The following STXBP6 variants were observed in gnomAD, a reference collection of about 807,000 sequenced individuals.
STXBP6 encodes syntaxin-binding protein 6.
Under a neutral mutation model 26.9 loss-of-function variants are expected in STXBP6, and 21 were observed. That is an observed-to-expected ratio of 0.78 (90% CI 0.55 to 1.12). The LOEUF (loss-of-function observed/expected upper bound fraction) is 1.12. Among genes scored for constraint, STXBP6 ranks in the 50% most tolerant of loss-of-function variants. STXBP6 has a pLI of 0.00. For synonymous variants in STXBP6, 97 were observed against 92.6 expected, an observed-to-expected ratio of 1.05 and a Z score of -0.27; for missense variants, 232 against 257.9, an observed-to-expected ratio of 0.90 and a Z score of 0.69.
At chr14:25,043,344 T>C (rs2075672826) in intron 1 of STXBP6, among the ~76,000 whole-genome samples, 1 of 152,104 alleles carries the variant, frequency 6.6e-6, no homozygotes, top group Non-Finnish European at 1.5e-5. Context: ...AAATTTAACC[T>C]GAAACTGAAA....
intron 4 of STXBP6, among the ~76,000 whole-genome samples, chr14:24,836,019 G>A (rs1342279447): frequency 6.6e-6 from 1 of 152,252 alleles, no homozygotes; most frequent in Non-Finnish European, 1.5e-5. Flanking sequence ...TAGCTGCAGG[G>A]AGAAGCAGGG....
rs542131214 is a variant in STXBP6 at position 24,924,014 on chromosome 14, A to AT, written c.154+50650dup. On this transcript the variant is annotated intron_variant, in intron 2 of 5. Transcript: ENST00000323944. ...TAAAAATAAGAACCAATTCCCACAT[A>AT]TTTTTTTTTTGCAAAAAGCTTTAAA... 6.4e-3 allele frequency among the ~76,000 whole-genome samples: 944 copies of AT among 148,478 alleles called. 4 individuals are homozygous for AT. Among genetic ancestry groups the AT allele is most frequent in the South Asian group, 0.017 (77 of 4,644 alleles).
At chr14:25,045,600 C>CTTTTTTT (rs200296496) in intron 1 of STXBP6, among the ~76,000 whole-genome samples, 2 of 135,952 alleles carry the variant, frequency 1.5e-5, no homozygotes, top group African/African-American at 2.7e-5. Flanking sequence ...CTTTTTTTTT[C>CTTTTTTT]TTTTCTTTTT....
chr14:24,939,980 G>A (rs571594499), intron 2 of STXBP6, among the ~76,000 whole-genome samples: 1 of 152,286 alleles, frequency 6.6e-6, no homozygotes, highest in Non-Finnish European at 1.5e-5. Flanking sequence ...AAGAGTCCTG[G>A]TGCCTGTCTG....
chr14:24,969,071 C>T (rs376001338), intron 2 of STXBP6, among the ~76,000 whole-genome samples: 39 of 152,128 alleles, frequency 2.6e-4, no homozygotes, highest in Non-Finnish European at 4.9e-4. Flanking sequence ...GCAGGTTCTA[C>T]GCTCCTAATA....
chr14:24,924,625 T>C (rs1176960491), intron 2 of STXBP6, among the ~76,000 whole-genome samples: 1 of 152,190 alleles, frequency 6.6e-6, no homozygotes, highest in East Asian at 1.9e-4. Flanking sequence ...CCATTCTTAC[T>C]AGCCATCTCT....
At chr14:25,030,725 C>T (rs917440404) in intron 1 of STXBP6, among the ~76,000 whole-genome samples, 1 of 152,126 alleles carries the variant, frequency 6.6e-6, no homozygotes, top group Non-Finnish European at 1.5e-5. Flanking sequence ...CCTCCTCGGC[C>T]TTTAAAGCTG....
At chr14:25,002,359 C>CTTATTTTTTTTTTT (rs2074780569) in intron 1 of STXBP6, among the ~76,000 whole-genome samples, 1 of 121,356 alleles carries the variant, frequency 8.2e-6, no homozygotes, top group Non-Finnish European at 1.7e-5. Flanking sequence ...ATTCTTATGA[C>CTTATTTTTTTTTTT]TTTTTTTTTT....
intron 1 of STXBP6, among the ~76,000 whole-genome samples, chr14:25,021,318 C>A (rs56888569): frequency 0.011 from 1,604 of 152,256 alleles, 28 homozygotes; most frequent in African/African-American, 0.036. Context: ...CCTTTCCTCT[C>A]CTGTTTATGC....
At chr14:24,915,645 C>A (rs1209322986) in intron 2 of STXBP6, among the ~76,000 whole-genome samples, 1 of 152,072 alleles carries the variant, frequency 6.6e-6, no homozygotes, top group Non-Finnish European at 1.5e-5. Flanking sequence ...GTCTTCGTCT[C>A]CTTTTTCTAT....
At chr14:25,038,730 C>T (rs191691903) in intron 1 of STXBP6, among the ~76,000 whole-genome samples, 25 of 151,750 alleles carry the variant, frequency 1.6e-4, no homozygotes, top group South Asian at 1.0e-3. Flanking sequence ...AGTACGTGGA[C>T]GACAAAATAA....
intron 2 of STXBP6, among the ~76,000 whole-genome samples, chr14:24,882,090 G>A (rs964036171): frequency 2.0e-5 from 3 of 151,760 alleles, no homozygotes; most frequent in Admixed American, 6.6e-5. Flanking sequence ...AGCATAAGAG[G>A]GGCTTTCGGC....
At chr14:24,949,219 CT>C (rs1452432335) in intron 2 of STXBP6, among the ~76,000 whole-genome samples, 2 of 152,134 alleles carry the variant, frequency 1.3e-5, no homozygotes, top group Non-Finnish European at 2.9e-5. Flanking sequence ...CATCTAATAT[CT>C]TTTATTTAAA....
chr14:24,880,269 G>T (rs1202408221), intron 2 of STXBP6, among the ~76,000 whole-genome samples: 2 of 152,066 alleles, frequency 1.3e-5, no homozygotes, highest in African/African-American at 4.8e-5. Context: ...TGCTTCTGGT[G>T]TTGAAAAAAA....
intron 2 of STXBP6, among the ~76,000 whole-genome samples, chr14:24,929,211 T>C (rs374175591): frequency 2.0e-5 from 3 of 152,362 alleles, no homozygotes; most frequent in South Asian, 2.1e-4. Context: ...TGAAAAGTCA[T>C]AGGCATTTCA....
chr14:24,894,237 G>A (rs1463041795), intron 2 of STXBP6, among the ~76,000 whole-genome samples: 1 of 152,218 alleles, frequency 6.6e-6, no homozygotes, highest in Non-Finnish European at 1.5e-5. Flanking sequence ...GAGAGAAGAC[G>A]TAGGTCTGAA....
At chr14:25,017,001 C>T (rs546199372) in intron 1 of STXBP6, among the ~76,000 whole-genome samples, 3 of 152,266 alleles carry the variant, frequency 2.0e-5, no homozygotes, top group South Asian at 4.1e-4. Flanking sequence ...CAGTTAAACG[C>T]TTCTTAGAAA....
chr14:24,845,239 C>T (rs2068921024), intron 4 of STXBP6, among the ~76,000 whole-genome samples: 1 of 152,106 alleles, frequency 6.6e-6, no homozygotes, highest in South Asian at 2.1e-4. Context: ...GTCTCGATCT[C>T]CTGACCTCGT....
chr14:24,873,951 CCTT>C (rs1310685610), intron 2 of STXBP6, among the ~76,000 whole-genome samples: 1 of 152,138 alleles, frequency 6.6e-6, no homozygotes, highest in African/African-American at 2.4e-5. Flanking sequence ...TAGACAGATG[CCTT>C]CTTTTGCTGA....
Sources: gnomAD v4.1 joint callset for allele counts (sites outside exome capture counted in the v4.1 genomes callset) on GRCh38, gnomAD v4.1.1 for gene constraint, MANE v1.5 for transcripts, NCBI Gene and HGNC (gene_info 2026-07-23, HGNC 2026-07-21) for gene names.